Variants in GABRB3 observed in about 807,000 individuals in gnomAD.
GABRB3 encodes the protein gamma-aminobutyric acid receptor subunit beta-3.
A neutral mutation model predicts 52.1 loss-of-function variants in GABRB3; 14 were observed. The ratio of observed to expected loss-of-function variants is 0.27; its 90% confidence interval spans 0.18 to 0.42. GABRB3 has a LOEUF of 0.42. GABRB3 is among the 10% of genes least tolerant of loss of function. The pLI is 1.00. For missense variants in GABRB3, 307 were observed against 609.1 expected (o/e 0.50, Z 5.22); for synonymous variants, 260 against 232.3 (o/e 1.12, Z -1.08).
At chr15:26,561,945 C>CT (rs1348975584) in intron 7 of GABRB3, among the ~76,000 whole-genome samples, 2 of 152,164 alleles carry the variant, frequency 1.3e-5, no homozygotes, top group Admixed American at 1.3e-4. Flanking sequence ...TCATCAGATC[C>CT]TTTTTTTAAA....
chr15:26,720,479 GAA>G (rs1285874860), intron 3 of GABRB3, among the ~76,000 whole-genome samples: 4 of 152,282 alleles, frequency 2.6e-5, no homozygotes, highest in Middle Eastern at 6.8e-3. Flanking sequence ...TGTGACTTAG[GAA>G]GACGAGACTG....
chr15:26,737,043 G>A (rs936115180), intron 3 of GABRB3, among the ~76,000 whole-genome samples: 4 of 152,204 alleles, frequency 2.6e-5, no homozygotes, highest in Non-Finnish European at 4.4e-5. Flanking sequence ...CAGGCCTCCA[G>A]GGACACCACC....
chr15:26,644,733 G>A (rs1657413261), intron 3 of GABRB3, among the ~76,000 whole-genome samples: 1 of 152,182 alleles, frequency 6.6e-6, no homozygotes, highest in Non-Finnish European at 1.5e-5. Flanking sequence ...GTCAGACATG[G>A]CTGTGTTGGG....
At chr15:26,664,506 C>T (rs1265916017) in intron 3 of GABRB3, among the ~76,000 whole-genome samples, 1 of 151,992 alleles carries the variant, frequency 6.6e-6, no homozygotes, top group Non-Finnish European at 1.5e-5. Context: ...GTGTATGTTT[C>T]ACGGTGGAAA....
chr15:26,758,388 G>A (rs923941517), intron 3 of GABRB3, among the ~76,000 whole-genome samples: 1 of 147,446 alleles, frequency 6.8e-6, no homozygotes, highest in Non-Finnish European at 1.5e-5. Context: ...GAAGGATGTT[G>A]GAGAAGAGAA....
chr15:26,718,242 CTT>C (rs1356668786), intron 3 of GABRB3, among the ~76,000 whole-genome samples: 3 of 151,926 alleles, frequency 2.0e-5, no homozygotes, highest in Admixed American at 6.6e-5. Flanking sequence ...GAGTTTTGCT[CTT>C]GTTACCCAGG....
chr15:26,757,387 T>C (rs1890693448), intron 3 of GABRB3, among the ~76,000 whole-genome samples: 1 of 152,198 alleles, frequency 6.6e-6, no homozygotes, highest in Non-Finnish European at 1.5e-5. Context: ...CACTCGCTCC[T>C]GGGCTCAAAC....
At chr15:26,596,377 T>C (rs34660647) in intron 4 of GABRB3, among the ~76,000 whole-genome samples, 49,013 of 151,916 alleles carry the variant, frequency 0.32, 9,416 homozygotes, top group Middle Eastern at 0.47. Flanking sequence ...AAAGGCCAAA[T>C]AAAAATGACA....
At chr15:26,770,691 A>G (rs756928521) in intron 3 of GABRB3, among the ~76,000 whole-genome samples, 1 of 152,256 alleles carries the variant, frequency 6.6e-6, no homozygotes, top group Admixed American at 6.5e-5. Flanking sequence ...ATCCTCTGAC[A>G]TAATTATTTT....
intron 5 of GABRB3, among the ~76,000 whole-genome samples, chr15:26,582,049 T>C (rs1245413589): frequency 1.3e-5 from 2 of 152,212 alleles, no homozygotes; most frequent in Non-Finnish European, 2.9e-5. Context: ...ATTCCCAATA[T>C]GGAGACATGT....
chr15:26,704,415 T>TATA (rs1338911457), intron 3 of GABRB3, among the ~76,000 whole-genome samples: 5 of 152,228 alleles, frequency 3.3e-5, no homozygotes, highest in Non-Finnish European at 7.3e-5. Context: ...TGTCTTGATG[T>TATA]ATATAGCCCC....
At chr15:26,748,924 G>T (rs903756032) in intron 3 of GABRB3, among the ~76,000 whole-genome samples, 1 of 152,184 alleles carries the variant, frequency 6.6e-6, no homozygotes, top group African/African-American at 2.4e-5. Flanking sequence ...TAGTTGGGAG[G>T]CTGAGGCAGG....
At chr15:26,633,912 C>T (rs866479246) in intron 3 of GABRB3, among the ~76,000 whole-genome samples, 1 of 152,192 alleles carries the variant, frequency 6.6e-6, no homozygotes, top group Non-Finnish European at 1.5e-5. Context: ...GTCTCTTGGC[C>T]GCCGGCTAAA....
chr15:26,568,491 T>C (rs2140699508), intron 6 of GABRB3, among the ~76,000 whole-genome samples: 1 of 132,228 alleles, frequency 7.6e-6, no homozygotes, highest in African/African-American at 2.6e-5. Flanking sequence ...TCTTATTTTG[T>C]TTTCCTTTCT....
intron 3 of GABRB3, among the ~76,000 whole-genome samples, chr15:26,683,148 G>T (rs1888291234): frequency 6.6e-6 from 1 of 152,216 alleles, no homozygotes; most frequent in African/African-American, 2.4e-5. Flanking sequence ...AACGCTGGAT[G>T]TTGGTGTGAT....
At chr15:26,570,387 G>A (rs982171781) in intron 6 of GABRB3, among the ~76,000 whole-genome samples, 1 of 152,180 alleles carries the variant, frequency 6.6e-6, no homozygotes, top group African/African-American at 2.4e-5. Flanking sequence ...CACCATGCAC[G>A]GGGGCCAGAC....
intron 3 of GABRB3, among the ~76,000 whole-genome samples, chr15:26,719,364 A>T (rs574875836): frequency 2.0e-5 from 3 of 152,354 alleles, no homozygotes; most frequent in African/African-American, 7.2e-5. Flanking sequence ...CTACAAATGG[A>T]ATGTGCTTGG....
chr15:26,608,555 G>T (rs1249858601), intron 4 of GABRB3, among the ~76,000 whole-genome samples: 2 of 151,990 alleles, frequency 1.3e-5, no homozygotes, highest in East Asian at 1.9e-4. Flanking sequence ...TCCATTAAGG[G>T]GTTAATATCC....
chr15:26,672,030 T>C (rs1224704607), intron 3 of GABRB3, among the ~76,000 whole-genome samples: 3 of 152,210 alleles, frequency 2.0e-5, no homozygotes, highest in African/African-American at 7.2e-5. Flanking sequence ...TTTGGAATAA[T>C]TACCCTGTAT....
Sources: gnomAD v4.1 joint callset for allele counts (sites outside exome capture counted in the v4.1 genomes callset) on GRCh38, gnomAD v4.1.1 for gene constraint, MANE v1.5 for transcripts, NCBI Gene and HGNC (gene_info 2026-07-23, HGNC 2026-07-21) for gene names.